Variants in PAPPA observed in about 807,000 individuals in gnomAD.
The protein encoded by PAPPA is pappalysin-1.
In PAPPA, 60 loss-of-function variants were observed where a neutral mutation model predicts 164.0. The ratio of observed to expected loss-of-function variants is 0.37; its 90% CI spans 0.30 to 0.45. The LOEUF (loss-of-function observed/expected upper bound fraction) is 0.45. PAPPA is among the 20% of genes least tolerant of loss of function. PAPPA has a pLI of 1.00. For missense variants in PAPPA, 1,782 were observed against 2,087.3 expected, an observed-to-expected ratio of 0.85 and a Z score of 2.85; for synonymous variants, 875 against 814.1, an observed-to-expected ratio of 1.07 and a Z score of -1.27.
intron 16 of PAPPA, 137 bp downstream of exon 16, chr9:116,353,053 C>A: frequency 2.7e-6 from 2 of 731,076 alleles, no homozygotes; most frequent in South Asian, 3.2e-5. Context: ...CTGTGAGAAG[C>A]TAGAAGGATT....
At position 116,235,135 on chromosome 9, in the gene PAPPA, A is replaced by G. The variant is rs761698658; in HGVS notation, c.2234-4A>G. On this transcript the variant is annotated splice_region_variant and splice_polypyrimidine_tract_variant and intron_variant, in intron 6 of 21. Coordinates refer to ENST00000328252, the MANE Select transcript of PAPPA (RefSeq NM_002581.5). Reference sequence around the variant, plus strand: ...GAACTCATTCCCTCATCTCTTCTGCATAGGTCATCCTGATGTTGAACAGCC... The same window carrying G: ...GAACTCATTCCCTCATCTCTTCTGCGTAGGTCATCCTGATGTTGAACAGCC... The G allele has an allele frequency of 7.4e-6, 12 of 1,614,154 alleles. No individual in the cohort carries two copies. Among genetic ancestry groups the G allele is most frequent in the Non-Finnish European group, 1.0e-5 (12 of 1,180,002 alleles).
intron 2 of PAPPA, among the ~76,000 whole-genome samples, chr9:116,199,955 TCA>T (rs1036052252): frequency 3.9e-5 from 6 of 152,028 alleles, no homozygotes; most frequent in Non-Finnish European, 8.8e-5. Flanking sequence ...GAGTAAGAAC[TCA>T]CTACCATGAG....
At chr9:116,331,172 T>G in intron 10 of PAPPA, 72 bp from the exon 11 acceptor site, 1 of 968,282 alleles carries the variant, frequency 1.0e-6, no homozygotes, top group South Asian at 1.4e-5. Context: ...CAGTAAAGGT[T>G]TGTAAAATTG....
At position 116,326,364 on chromosome 9, in the gene PAPPA, G is replaced by A. The variant is rs781527307; in HGVS notation, c.3148-4880G>A. Among the ~76,000 whole-genome samples, 235 of 152,138 alleles carry A rather than the reference G, an allele frequency of 1.5e-3. 1 individual carries two copies. Among genetic ancestry groups the A allele is most frequent in the Non-Finnish European group, 2.1e-3 (146 of 67,990 alleles). On this transcript the variant is annotated intron_variant, in intron 10 of 21. Transcript: ENST00000328252. ...AAGCTGTGACCTGAAGCCACCCCAG[G>A]GACCAACTATTTTCTTGGAATAAGG... is the stretch of plus-strand genomic sequence containing the variant.
At chr9:116,379,357 G>A (rs1405576129) in intron 20 of PAPPA, among the ~76,000 whole-genome samples, 1 of 152,178 alleles carries the variant, frequency 6.6e-6, no homozygotes, top group Non-Finnish European at 1.5e-5. Flanking sequence ...GGGGACCCCT[G>A]AGCCCCTGTT....
chr9:116,348,487 G>GT (rs1188971565), intron 15 of PAPPA, among the ~76,000 whole-genome samples: 15 of 151,774 alleles, frequency 9.9e-5, no homozygotes, highest in African/African-American at 3.4e-4. Flanking sequence ...AAGGACAACA[G>GT]TTTTTTTAAA....
intron 10 of PAPPA, among the ~76,000 whole-genome samples, chr9:116,320,553 C>A (rs184126932): frequency 6.6e-6 from 1 of 152,306 alleles, no homozygotes; most frequent in Non-Finnish European, 1.5e-5. Flanking sequence ...AATAAATGCT[C>A]ATATTGAAAG....
intron 6 of PAPPA, among the ~76,000 whole-genome samples, chr9:116,231,168 A>C (rs573247437): frequency 2.5e-4 from 38 of 152,354 alleles, no homozygotes; most frequent in African/African-American, 8.7e-4. Context: ...ATGTCTATAC[A>C]CATATATGAC....
At chr9:116,250,995 G>A (rs1402730024) in intron 7 of PAPPA, among the ~76,000 whole-genome samples, 2 of 152,124 alleles carry the variant, frequency 1.3e-5, no homozygotes, top group African/African-American at 4.8e-5. Flanking sequence ...GCCGGTGATG[G>A]GGTTGGTATA....
rs548863749 is a variant in PAPPA at position 116,292,665 on chromosome 9, G to A, written c.2954-10092G>A. 1.2e-3 allele frequency among the ~76,000 whole-genome samples: 188 copies of A among 152,236 alleles called. 1 individual carries two copies. Among genetic ancestry groups the A allele is most frequent in the African/African-American group, 4.2e-3 (176 of 41,544 alleles). ...ATGATTTTGTGATGCCTTTAAATAGGCAGATATTTAGTAGAGATATAATTT... is the reference window on the plus strand; with the variant it reads ...ATGATTTTGTGATGCCTTTAAATAGACAGATATTTAGTAGAGATATAATTT... On this transcript the variant is annotated intron_variant, in intron 9 of 21. Transcript: ENST00000328252.
chr9:116,236,294 C>T (rs1051363171), intron 7 of PAPPA, among the ~76,000 whole-genome samples: 3 of 151,954 alleles, frequency 2.0e-5, no homozygotes, highest in African/African-American at 7.2e-5. Context: ...GTCTTTCATA[C>T]TCACTTCCCG....
chr9:116,382,316 G>A lies in PAPPA; in HGVS notation c.4678-79G>A, dbSNP rs576665024. 203 of 862,458 alleles carry A rather than the reference G, an allele frequency of 2.4e-4. 2 individuals are homozygous for A. In the South Asian group the frequency reaches 2.5e-3, roughly 11 times the overall value. 53.4% of individuals were successfully genotyped at this position (862,458 alleles called of 1,614,324 possible). ...GGCTGTGAAAAGATGACAGACACCCGAAGGACTGCAGACGTCAGCTCCCAC... is the reference window on the plus strand; with the variant it reads ...GGCTGTGAAAAGATGACAGACACCCAAAGGACTGCAGACGTCAGCTCCCAC... On this transcript the variant is annotated intron_variant, in intron 20 of 21. Coordinates refer to ENST00000328252, the MANE Select transcript of PAPPA (RefSeq NM_002581.5).
intron 9 of PAPPA, among the ~76,000 whole-genome samples, chr9:116,282,126 G>A (rs1217937320): frequency 2.0e-5 from 3 of 152,124 alleles, no homozygotes; most frequent in Non-Finnish European, 4.4e-5. Flanking sequence ...CAGGACCTCT[G>A]TGAACACCAA....
chr9:116,312,081 C>T (rs769661054), intron 10 of PAPPA, among the ~76,000 whole-genome samples: 18 of 152,250 alleles, frequency 1.2e-4, no homozygotes, highest in Non-Finnish European at 2.1e-4. Flanking sequence ...CCCTGCCAAC[C>T]CCTTCCATGG....
In PAPPA at chr9:116,352,845, G is replaced by C; in HGVS notation, c.4104G>C (p.Lys1368Asn). ...QTARCRENKHKVGSFCKYKCK... is the reference protein window; with the variant it reads ...QTARCRENKHNVGSFCKYKCK... The stretch of plus-strand genomic sequence containing the variant: ...CCCGGTGCCGAGAGAATAAGCACAA[G>C]GTGGGCTCCTTCTGCAAATACAAAT... Residue 1368 changes from lysine to asparagine, a missense_variant, in exon 16 of 22, where the codon AAG (lysine) becomes AAC (asparagine). This residue lies in a region of PAPPA where 1,324 missense variants were observed against 1,656.9 expected (regional missense o/e 0.80). Transcript: ENST00000328252. 1.2e-6 allele frequency: 2 copies of C among 1,614,106 alleles called. No individual in the cohort carries two copies. Among genetic ancestry groups the C allele is most frequent in the Non-Finnish European group, 1.7e-6 (2 of 1,179,976 alleles).
At chr9:116,303,972 T>C (rs1845612426) in intron 10 of PAPPA, among the ~76,000 whole-genome samples, 1 of 152,244 alleles carries the variant, frequency 6.6e-6, no homozygotes, top group Non-Finnish European at 1.5e-5. Context: ...TATTTTTGAA[T>C]GCCCTCAGGA....
intron 1 of PAPPA, among the ~76,000 whole-genome samples, chr9:116,171,976 C>T (rs752415162): frequency 8.5e-5 from 13 of 152,156 alleles, no homozygotes; most frequent in Non-Finnish European, 1.5e-4. Flanking sequence ...AAGGTTTCAT[C>T]GACTGAGGAG....
At chr9:116,382,270 C>T (rs1846742357) in intron 20 of PAPPA, 125 bp from the exon 21 acceptor site, 2 of 680,414 alleles carry the variant, frequency 2.9e-6, no homozygotes, top group African/African-American at 1.8e-5. Context: ...GGATGTGAAG[C>T]CTGGCCAGCT....
Position 116,352,997 on chromosome 9 carries a change from T to C in PAPPA, c.4175+81T>C. The C allele has an allele frequency of 3.0e-6, 3 of 1,000,040 alleles. No homozygotes were observed. In the South Asian group the frequency reaches 4.1e-5, roughly 14 times the overall value. The allele number at this position is 1,000,040 out of a possible 1,614,324, so 61.9% of individuals were successfully genotyped here. A position where few individuals can be genotyped will look rare whatever the true frequency, so the allele number is the denominator to read the frequency against. On this transcript the variant is annotated intron_variant, in intron 16 of 21. Coordinates refer to ENST00000328252, the MANE Select transcript of PAPPA (RefSeq NM_002581.5). ...CAAATGCCTGACTGGACGGAAGCAC[T>C]CATTTCTTCACTGGAGGTAATGACT...
Sources: gnomAD v4.1 joint callset for allele counts (sites outside exome capture counted in the v4.1 genomes callset) on GRCh38, gnomAD v4.1.1 for gene constraint, gnomAD v4.1.1 regional missense constraint, MANE v1.5 for transcripts, NCBI Gene and HGNC (gene_info 2026-07-23, HGNC 2026-07-21) for gene names.